The following TPCN1 variants were observed in gnomAD, a reference collection of about 807,000 sequenced individuals.
TPCN1 encodes the protein two pore channel protein 1.
In TPCN1, 52 loss-of-function variants were observed where a neutral mutation model predicts 108.8. That is an observed-to-expected ratio of 0.48 (90% CI 0.38 to 0.60). The LOEUF (loss-of-function observed/expected upper bound fraction) is 0.60. Among genes scored for constraint, TPCN1 ranks in the 20% least tolerant of loss-of-function variants. The probability of loss-of-function intolerance (pLI) is 0.00; values close to 1 mark genes in which losing one functional copy is unlikely to be tolerated. For synonymous variants in TPCN1, 446 were observed against 433.7 expected, an observed-to-expected ratio of 1.03 and a Z score of -0.35; for missense variants, 806 against 1,072.8, an observed-to-expected ratio of 0.75 and a Z score of 3.47.
At chr12:113,295,134 C>T (rs1956384173) in intron 27 of TPCN1, among the ~76,000 whole-genome samples, 1 of 152,188 alleles carries the variant, frequency 6.6e-6, no homozygotes, top group African/African-American at 2.4e-5. Context: ...TGCAGCAGCA[C>T]CCATTCAGGT....
rs1200681764 is a variant in TPCN1, at chr12:113,288,111, G to A, written c.1635-52G>A. 6.5e-7 allele frequency: 1 copy of A among 1,548,798 alleles called. No homozygotes were observed. Among genetic ancestry groups the A allele is most frequent in the Non-Finnish European group, 8.8e-7 (1 of 1,131,192 alleles). On this transcript the variant is annotated intron_variant, in intron 19 of 27. Coordinates refer to ENST00000335509, the MANE Select transcript of TPCN1 (RefSeq NM_017901.6). The surrounding 1 kb of genome is among the most constrained non-coding windows in gnomAD (Gnocchi z 4.8). ...CGGGGCCGGCATGTTCTGAGGGCGGGGGCTGAGGCGTGCACCTGTGTGTGG... is the reference window on the plus strand; with the variant it reads ...CGGGGCCGGCATGTTCTGAGGGCGGAGGCTGAGGCGTGCACCTGTGTGTGG...
At chr12:113,285,983 G>C in intron 18 of TPCN1, 22 bp downstream of exon 18, 1 of 1,608,264 alleles carries the variant, frequency 6.2e-7, no homozygotes, top group Non-Finnish European at 8.5e-7. Context: ...GCATGTTTCT[G>C]ACCCAAAGCT....
At chr12:113,227,298 A>C (rs1242331578) in intron 2 of TPCN1, among the ~76,000 whole-genome samples, 1 of 151,986 alleles carries the variant, frequency 6.6e-6, no homozygotes, top group South Asian at 2.1e-4. Context: ...TCCCTGCCCC[A>C]TTCCTTGTTA....
In TPCN1 at chr12:113,293,364, G is replaced by A. The variant is rs117183215; in HGVS notation, c.2334+15G>A. 5.9e-3 allele frequency: 9,536 copies of A among 1,612,636 alleles called. 39 individuals carry two copies. The highest frequency in any genetic ancestry group is 6.9e-3 in the Non-Finnish European group (8,079 of 1,179,150). ...AGGAGATCCAGGTAGGAGCCTGGCC[G>A]ACCACGCTGCGAATCCTCCCCCAAG... On this transcript the variant is annotated intron_variant, in intron 27 of 27. Transcript: ENST00000335509.
chr12:113,244,635 T>C, intron 2 of TPCN1: 1 of 985,412 alleles, frequency 1.0e-6, no homozygotes, highest in Non-Finnish European at 1.2e-6. Context: ...CTCTCCTCTT[T>C]GAGCTCTTTC....
chr12:113,280,253 A>G, intron 15 of TPCN1, 58 bp downstream of exon 15: 1 of 1,433,572 alleles, frequency 7.0e-7, no homozygotes, highest in Non-Finnish European at 9.8e-7. Flanking sequence ...TTGCTGTTCT[A>G]GAAGCGGGAG....
Position 113,269,017 on chromosome 12 carries a change from C to G in TPCN1, c.659+145C>G, listed in dbSNP as rs1196808064. 1 of 944,366 alleles carries G rather than the reference C, an allele frequency of 1.1e-6. No individual in the cohort carries two copies. Among genetic ancestry groups the G allele is most frequent in the African/African-American group, 1.6e-5 (1 of 61,980 alleles). 58.5% of individuals were successfully genotyped at this position (944,366 alleles called of 1,614,324 possible). A position where few individuals can be genotyped will look rare whatever the true frequency, so the allele number is the denominator to read the frequency against. On this transcript the variant is annotated intron_variant, in intron 6 of 27. Transcript: ENST00000335509. The surrounding 1 kb of genome is among the most constrained non-coding windows in gnomAD (Gnocchi z 5.0). ...ACACGCAGACTCACTCTCCCTCTGC[C>G]ATTCCATCCACGCACAGGAGAAAGC... is the stretch of plus-strand genomic sequence containing the variant.
Position 113,289,904 on chromosome 12 carries a change from G to C in TPCN1, c.1797-224G>C. 1 of 502,202 alleles carries C rather than the reference G, an allele frequency of 2.0e-6. No individual in the cohort carries two copies. Among genetic ancestry groups the C allele is most frequent in the Non-Finnish European group, 3.5e-6 (1 of 282,654 alleles). The allele number at this position is 502,202 out of a possible 1,614,324, so 31.1% of individuals were successfully genotyped here. A position where few individuals can be genotyped will look rare whatever the true frequency, so the allele number is the denominator to read the frequency against. On this transcript the variant is annotated intron_variant, in intron 21 of 27. Coordinates refer to ENST00000335509, the MANE Select transcript of TPCN1 (RefSeq NM_017901.6). This position sits in a 1 kb window ranked among gnomAD's most constrained non-coding sequence, Gnocchi z 4.1. ...ACTTCCAGGTGACAGAGGTGGGTCAGGCTGGCCAGGGGATCCCGCCAAGCC... is the reference window on the plus strand; with the variant it reads ...ACTTCCAGGTGACAGAGGTGGGTCACGCTGGCCAGGGGATCCCGCCAAGCC...
intron 1 of TPCN1, among the ~76,000 whole-genome samples, chr12:113,222,671 A>G (rs940886892): frequency 2.0e-5 from 3 of 152,240 alleles, no homozygotes; most frequent in Admixed American, 6.5e-5. Flanking sequence ...ACTTTAATCT[A>G]TGGTGGCAGA....
chr12:113,253,779 T>G (rs1954732736), intron 2 of TPCN1, among the ~76,000 whole-genome samples: 1 of 152,230 alleles, frequency 6.6e-6, no homozygotes, highest in African/African-American at 2.4e-5. Context: ...GAAACACAGC[T>G]TCTACCTGTG....
chr12:113,227,671 G>A (rs950776618), intron 2 of TPCN1, among the ~76,000 whole-genome samples: 23 of 152,102 alleles, frequency 1.5e-4, no homozygotes, highest in Non-Finnish European at 3.4e-4. Flanking sequence ...AAAATAACTC[G>A]CCTTTTCTGG....
rs189453475 is a variant in TPCN1 at position 113,271,149 on chromosome 12, C to T, written c.748+1304C>T. ...GCTGGGTATGGTGGCATGTGGCATGCACCTGTGGTCCCTGCTACTCAAGAG... is the reference window on the plus strand; with the variant it reads ...GCTGGGTATGGTGGCATGTGGCATGTACCTGTGGTCCCTGCTACTCAAGAG... On this transcript the variant is annotated intron_variant, in intron 7 of 27. Transcript: ENST00000335509. 3.4e-3 allele frequency among the ~76,000 whole-genome samples: 519 copies of T among 152,132 alleles called. 3 individuals carry two copies. The highest frequency in any genetic ancestry group is 0.013 in the South Asian group (61 of 4,818).
chr12:113,282,793 A>C (rs549899632), intron 15 of TPCN1, among the ~76,000 whole-genome samples: 5 of 147,784 alleles, frequency 3.4e-5, no homozygotes, highest in Non-Finnish European at 7.5e-5. Context: ...TTTCATAATT[A>C]TGTAAATTAG....
intron 15 of TPCN1, among the ~76,000 whole-genome samples, chr12:113,281,070 G>A (rs1255651864): frequency 6.6e-6 from 1 of 150,652 alleles, no homozygotes; most frequent in African/African-American, 2.4e-5. Context: ...TTTTTTTTGA[G>A]ACAGAGTCTC....
chr12:113,287,065 C>A lies in TPCN1; in HGVS notation c.1605C>A (p.Ile535=), dbSNP rs142475172. The change falls in exon 19 of 28, where the codon ATC becomes ATA. Residue 535 remains isoleucine, a synonymous_variant. Coordinates refer to ENST00000335509, the MANE Select transcript of TPCN1 (RefSeq NM_017901.6). ...TCAACATGGAGCCCTTCTATTTCATCGTGGTCCTGCGCCCCCTCCAGCTGC... is the reference window on the plus strand; with the variant it reads ...TCAACATGGAGCCCTTCTATTTCATAGTGGTCCTGCGCCCCCTCCAGCTGC... ...LALNMEPFYF[I]VVLRPLQLLR... 7 of 1,613,644 alleles carry A rather than the reference C, an allele frequency of 4.3e-6. No individual in the cohort carries two copies. Among genetic ancestry groups the A allele is most frequent in the Middle Eastern group, 1.6e-4 (1 of 6,080 alleles).
chr12:113,284,801 G>A lies in TPCN1; in HGVS notation c.1453+30G>A. On this transcript the variant is annotated intron_variant, in intron 17 of 27. Coordinates refer to ENST00000335509, the MANE Select transcript of TPCN1 (RefSeq NM_017901.6). This position sits in a 1 kb window ranked among gnomAD's most constrained non-coding sequence, Gnocchi z 4.1. ...GTTTCCGACATGGCTTTGCTGGACT[G>A]CTTGTTTTAAAATTGTCTGGGAGAA... 6.2e-7 allele frequency: 1 copy of A among 1,612,634 alleles called. No homozygotes were observed. Among genetic ancestry groups the A allele is most frequent in the Non-Finnish European group, 8.5e-7 (1 of 1,178,646 alleles).
intron 2 of TPCN1, among the ~76,000 whole-genome samples, chr12:113,236,284 G>A (rs547669459): frequency 6.6e-5 from 10 of 152,176 alleles, no homozygotes; most frequent in East Asian, 1.9e-4. Context: ...TGCTGTGCAC[G>A]TACAGCTTGG....
At chr12:113,247,646 C>T (rs1050484619) in intron 2 of TPCN1, among the ~76,000 whole-genome samples, 6 of 152,244 alleles carry the variant, frequency 3.9e-5, no homozygotes, top group East Asian at 1.9e-4. Flanking sequence ...TGCACTGCTG[C>T]GTGAAGGCCA....
chr12:113,291,741 C>G, intron 24 of TPCN1, 64 bp downstream of exon 24: 1 of 1,587,932 alleles, frequency 6.3e-7, no homozygotes, highest in Non-Finnish European at 8.6e-7. Context: ...TGCCCCTGCT[C>G]TTCAGCCTGC....
Sources: gnomAD v4.1 joint callset for allele counts (sites outside exome capture counted in the v4.1 genomes callset) on GRCh38, gnomAD v4.1.1 for gene constraint, Gnocchi (gnomAD v3.1) non-coding constraint, MANE v1.5 for transcripts, NCBI Gene and HGNC (gene_info 2026-07-23, HGNC 2026-07-21) for gene names.